NAV2: variants seen among roughly 807,000 people sequenced by gnomAD.
NAV2 encodes the protein neuron navigator 2.
Under a neutral mutation model 223.2 loss-of-function variants are expected in NAV2, and 54 were observed. The ratio of observed to expected loss-of-function variants is 0.24; its 90% confidence interval spans 0.19 to 0.30. The LOEUF is 0.30. Ranked by LOEUF, NAV2 falls within the 10% of genes least tolerant of loss-of-function variation. The pLI, the probability that NAV2 is intolerant of heterozygous loss-of-function variation, is 1.00. For missense variants in NAV2, 2,806 were observed against 3,147.5 expected (o/e 0.89, Z 2.60); for synonymous variants, 1,279 against 1,239.3 (o/e 1.03, Z -0.67).
intron 2 of NAV2, among the ~76,000 whole-genome samples, chr11:19,836,003 G>T (rs2060207376): frequency 6.6e-6 from 1 of 152,090 alleles, no homozygotes; most frequent in African/African-American, 2.4e-5. Context: ...CTGGGTCTTA[G>T]TTGTCTTCCT....
chr11:19,920,857 T>G (rs968838044), intron 6 of NAV2, among the ~76,000 whole-genome samples: 4 of 152,154 alleles, frequency 2.6e-5, no homozygotes, highest in Non-Finnish European at 4.4e-5. Context: ...TTTTTAAAGG[T>G]GTCTTAGCCT....
At chr11:19,896,518 A>G (rs186222786) in intron 6 of NAV2, among the ~76,000 whole-genome samples, 53 of 152,334 alleles carry the variant, frequency 3.5e-4, no homozygotes, top group African/African-American at 1.3e-3. Flanking sequence ...AGAAAATTTT[A>G]TCTATCAAAA....
intron 1 of NAV2, among the ~76,000 whole-genome samples, chr11:19,451,918 T>C (rs1029637348): frequency 1.8e-4 from 27 of 152,208 alleles, no homozygotes; most frequent in Non-Finnish European, 3.7e-4. Context: ...CAGGGTCTTG[T>C]AGGCCAGACC....
chr11:19,935,151 C>A (rs1161787583), intron 7 of NAV2, among the ~76,000 whole-genome samples: 1 of 152,244 alleles, frequency 6.6e-6, no homozygotes, highest in East Asian at 1.9e-4. Flanking sequence ...AAGTTCTTAT[C>A]ATTCCCAGAG....
intron 10 of NAV2, among the ~76,000 whole-genome samples, chr11:19,959,702 C>T (rs2048188616): frequency 6.6e-6 from 1 of 152,176 alleles, no homozygotes; most frequent in Admixed American, 6.5e-5. Flanking sequence ...ATGACTCCTC[C>T]CCAAGCCCCA....
chr11:19,409,459 C>T (rs998220838), intron 1 of NAV2, among the ~76,000 whole-genome samples: 1 of 152,172 alleles, frequency 6.6e-6, no homozygotes, highest in African/African-American at 2.4e-5. Flanking sequence ...GCTCTCTCTT[C>T]TCCTTCCATC....
At chr11:19,366,229 G>T (rs940197603) in intron 1 of NAV2, among the ~76,000 whole-genome samples, 3 of 152,200 alleles carry the variant, frequency 2.0e-5, no homozygotes, top group Non-Finnish European at 2.9e-5. Context: ...TGATGTCAGG[G>T]TGGCTCCTGG....
intron 29 of NAV2, among the ~76,000 whole-genome samples, chr11:20,093,893 G>A (rs529089291): frequency 2.6e-5 from 4 of 152,218 alleles, no homozygotes; most frequent in African/African-American, 4.8e-5. Context: ...ACTGTTTCTC[G>A]AATAAATGTA....
chr11:19,635,004 C>T (rs4635057), intron 1 of NAV2, among the ~76,000 whole-genome samples: 151,460 of 152,356 alleles, frequency 0.99, 75,291 homozygotes, highest in Middle Eastern at 1. Context: ...ATTTCAGTGA[C>T]TTCAAACAAT....
intron 1 of NAV2, among the ~76,000 whole-genome samples, chr11:19,831,256 GGGA>G: frequency 7.2e-6 from 1 of 139,672 alleles, no homozygotes. Context: ...GGAGTGGGGG[GGGA>G]TGACCATTGT....
chr11:19,972,504 A>T (rs1157919241), intron 10 of NAV2, among the ~76,000 whole-genome samples: 2 of 152,220 alleles, frequency 1.3e-5, no homozygotes, highest in African/African-American at 4.8e-5. Context: ...TGCCCAGAAT[A>T]ATCACTGTCT....
chr11:19,786,884 G>A (rs1160626673), intron 1 of NAV2, among the ~76,000 whole-genome samples: 1 of 152,188 alleles, frequency 6.6e-6, no homozygotes, highest in Non-Finnish European at 1.5e-5. Context: ...CAGCTACTGG[G>A]GAGGTGGACG....
rs557505829 is a variant in NAV2 at position 19,725,870 on chromosome 11, TACCA to T, written c.267+11911_267+11914del. ...CAGTCAGAAATTTGTCATTTGCAAA[TACCA>T]ACTCTCGCTACATTCCATTGCTGTT... On this transcript the variant is annotated intron_variant, in intron 1 of 37. Coordinates refer to ENST00000349880, the MANE Select transcript of NAV2 (RefSeq NM_145117.5). 4.8e-4 allele frequency among the ~76,000 whole-genome samples: 73 copies of T among 152,362 alleles called. 1 individual carries two copies. Among genetic ancestry groups the T allele is most frequent in the Admixed American group, 3.7e-3 (57 of 15,306 alleles).
intron 1 of NAV2, among the ~76,000 whole-genome samples, chr11:19,629,882 C>T (rs1361867637): frequency 6.6e-6 from 1 of 152,204 alleles, no homozygotes; most frequent in Non-Finnish European, 1.5e-5. Flanking sequence ...CTAAGTCCTC[C>T]GTTCCCAAAG....
At chr11:19,820,984 CG>C (rs2059337971) in intron 1 of NAV2, among the ~76,000 whole-genome samples, 1 of 152,138 alleles carries the variant, frequency 6.6e-6, no homozygotes, top group Admixed American at 6.5e-5. Flanking sequence ...GATCGAGGGC[CG>C]GGCGCAGTGG....
intron 9 of NAV2, among the ~76,000 whole-genome samples, chr11:19,948,164 C>T (rs973291454): frequency 6.6e-6 from 1 of 152,084 alleles, no homozygotes; most frequent in East Asian, 1.9e-4. Flanking sequence ...CAGCTCACTG[C>T]AACCTCAGCC....
At chr11:20,078,154 A>T (rs756862129) in intron 24 of NAV2, 50 bp downstream of exon 24, 1 of 1,324,786 alleles carries the variant, frequency 7.5e-7, no homozygotes, top group African/African-American at 1.5e-5. Flanking sequence ...TGCCCTTAGG[A>T]GCCCTCCCCT....
chr11:19,986,541 AC>A (rs201289030), intron 11 of NAV2, among the ~76,000 whole-genome samples: 2,687 of 152,106 alleles, frequency 0.018, 69 homozygotes, highest in African/African-American at 0.059. Context: ...AATTGCTTGA[AC>A]CCGGGAGGCA....
chr11:19,860,164 G>C lies in NAV2; in HGVS notation c.439-8761G>C, dbSNP rs1301092103. Among the ~76,000 whole-genome samples the C allele has an allele frequency of 3.4e-5, 5 of 146,338 alleles. 1 individual carries two copies. The highest frequency in any genetic ancestry group is 7.7e-5 in the African/African-American group (3 of 39,078). ...TCCCGGACGGGGCGGCTGGCCAGGCGGGGGGCTGACCCCCCACCTCCCTCC... is the reference window on the plus strand; with the variant it reads ...TCCCGGACGGGGCGGCTGGCCAGGCCGGGGGCTGACCCCCCACCTCCCTCC... On this transcript the variant is annotated intron_variant, in intron 3 of 37. Transcript: ENST00000349880.
Sources: allele counts gnomAD v4.1 joint callset (sites outside exome capture counted in the v4.1 genomes callset), GRCh38; gene constraint gnomAD v4.1.1; transcripts MANE v1.5; gene names NCBI Gene and HGNC (gene_info 2026-07-23, HGNC 2026-07-21).